The following SPRING1 variants were observed in gnomAD, a reference collection of about 807,000 sequenced individuals.
The protein encoded by SPRING1 is SREBP regulating gene protein.
SPRING1 carries 14 observed loss-of-function variants against 24.7 expected under a neutral mutation model. That is an observed-to-expected ratio of 0.57 (90% CI 0.37 to 0.88). The LOEUF (loss-of-function observed/expected upper bound fraction) is 0.88. SPRING1 is among the 40% of genes least tolerant of loss of function. SPRING1 has a pLI of 0.00. For missense variants in SPRING1, 255 were observed against 268.4 expected (o/e 0.95, Z 0.35); for synonymous variants, 93 against 106.1 (o/e 0.88, Z 0.76).
Position 116,728,787 on chromosome 12 carries a change from G to A in SPRING1, c.112-5564C>T, listed in dbSNP as rs1870830440. The stretch of plus-strand genomic sequence containing the variant: ...CAACTCCCTCAAGGCCCACAGCTAG[G>A]GAGTGGAAGACCACCCAAACTGAGG... On this transcript the variant is annotated intron_variant, in intron 1 of 4. Transcript: ENST00000261318. This position sits in a 1 kb window ranked among gnomAD's most constrained non-coding sequence, Gnocchi z 4.2. Among the ~76,000 whole-genome samples, 1 of 152,172 alleles carries A rather than the reference G, an allele frequency of 6.6e-6. No individual in the cohort carries two copies. The highest frequency in any genetic ancestry group is 6.5e-5 in the Admixed American group (1 of 15,280).
In SPRING1 at chr12:116,728,969, T is replaced by C. The variant is rs368384275; in HGVS notation, c.112-5746A>G. Among the ~76,000 whole-genome samples, 2 of 152,250 alleles carry C rather than the reference T, an allele frequency of 1.3e-5. No homozygotes were observed. The highest frequency in any genetic ancestry group is 1.9e-4 in the East Asian group (1 of 5,196). ...TGTGGGTTTATGTGAGTTATGGCTA[T>C]TGATGCTTACCATATTGAAAATTAA... is the stretch of plus-strand genomic sequence containing the variant. On this transcript the variant is annotated intron_variant, in intron 1 of 4. Transcript: ENST00000261318. The surrounding 1 kb of genome is among the most constrained non-coding windows in gnomAD (Gnocchi z 4.2).
At chr12:116,735,113 T>C (rs1871160101) in intron 1 of SPRING1, among the ~76,000 whole-genome samples, 2 of 151,958 alleles carry the variant, frequency 1.3e-5, no homozygotes, top group Non-Finnish European at 2.9e-5. Context: ...ATATTGTGGA[T>C]ATAGGGAGTG....
At position 116,738,044 on chromosome 12, in the gene SPRING1, C is replaced by T. The variant is rs576818649; in HGVS notation, c.-144G>A. Reference sequence around the variant, plus strand: ...CGCCCGCAGCCCAGTCTGCTCCCGGCAGCCTTGGGCGCAGCCCCACGTGAC... The same window carrying T: ...CGCCCGCAGCCCAGTCTGCTCCCGGTAGCCTTGGGCGCAGCCCCACGTGAC... On this transcript the variant is annotated 5_prime_UTR_variant, in exon 1 of 5. Coordinates refer to ENST00000261318, the MANE Select transcript of SPRING1 (RefSeq NM_024738.4). The T allele has an allele frequency of 1.5e-5, 16 of 1,091,708 alleles. No homozygotes were observed. Among genetic ancestry groups the T allele is most frequent in the Non-Finnish European group, 1.7e-5 (15 of 899,872 alleles). The allele number at this position is 1,091,708 out of a possible 1,614,324, so 67.6% of individuals were successfully genotyped here.
At chr12:116,725,236 G>C (rs1028901938) in intron 1 of SPRING1, among the ~76,000 whole-genome samples, 1 of 152,202 alleles carries the variant, frequency 6.6e-6, no homozygotes, top group African/African-American at 2.4e-5. Context: ...GTTCTAAGTA[G>C]CATGGTGCAA....
Position 116,713,660 on chromosome 12 carries a change from C to G in SPRING1, c.*4150G>C, listed in dbSNP as rs573293079. On this transcript the variant is annotated 3_prime_UTR_variant, in exon 5 of 5. Transcript: ENST00000261318. ...TATTTGTAGTAGCAAAAACAACAAG[C>G]AGCCTTGGAAACCAGTTAATGTCCT... is the stretch of plus-strand genomic sequence containing the variant. The G allele has an allele frequency of 1.3e-5, 2 of 152,258 alleles. No homozygotes were observed. Among genetic ancestry groups the G allele is most frequent in the East Asian group, 3.9e-4 (2 of 5,188 alleles). The allele number at this position is 152,258 out of a possible 1,614,324, so 9.4% of individuals were successfully genotyped here.
intron 2 of SPRING1, among the ~76,000 whole-genome samples, chr12:116,721,230 G>C (rs1212799448): frequency 6.6e-6 from 1 of 152,130 alleles, no homozygotes; most frequent in African/African-American, 2.4e-5. Context: ...ACATCCTTCT[G>C]GGAATGGGAC....
At chr12:116,729,073 T>G (rs1298755569) in intron 1 of SPRING1, among the ~76,000 whole-genome samples, 2 of 152,206 alleles carry the variant, frequency 1.3e-5, no homozygotes, top group Non-Finnish European at 2.9e-5. Flanking sequence ...GTACATGAGT[T>G]TTTTGTGAAA....
chr12:116,730,469 G>T (rs1049280213), intron 1 of SPRING1, among the ~76,000 whole-genome samples: 2 of 152,230 alleles, frequency 1.3e-5, no homozygotes, highest in Non-Finnish European at 2.9e-5. Flanking sequence ...CTCCCAAAGT[G>T]CTGGGATTAC....
chr12:116,713,034 G>A lies in SPRING1; in HGVS notation c.*4776C>T, dbSNP rs1194771201. ...TCTAACGGGGAGATATGACCCCAGA[G>A]CAGGGCTTCCCTCCCTCCACCCGGC... On this transcript the variant is annotated 3_prime_UTR_variant, in exon 5 of 5. Coordinates refer to ENST00000261318, the MANE Select transcript of SPRING1 (RefSeq NM_024738.4). 6.6e-6 allele frequency: 1 copy of A among 152,308 alleles called. No individual in the cohort carries two copies. Among genetic ancestry groups the A allele is most frequent in the African/African-American group, 2.4e-5 (1 of 41,436 alleles). 9.4% of individuals were successfully genotyped at this position (152,308 alleles called of 1,614,324 possible).
rs143322155 is a variant in SPRING1 at position 116,717,809 on chromosome 12, G to A, written c.*1C>T. ...AGGCTGGAGCAAGTCCGCTGCACCC[G>A]TCAAGCGGGGAAGAGCTCGGGCGGG... On this transcript the variant is annotated 3_prime_UTR_variant, in exon 5 of 5. Transcript: ENST00000261318. The surrounding 1 kb of genome is among the most constrained non-coding windows in gnomAD (Gnocchi z 4.2). The A allele has an allele frequency of 6.8e-4, 1,079 of 1,590,320 alleles. 12 individuals are homozygous for A. In the African/African-American group the frequency reaches 0.013, roughly 19 times the overall value.
At chr12:116,722,828 T>C (rs1473131141) in intron 2 of SPRING1, among the ~76,000 whole-genome samples, 2 of 152,186 alleles carry the variant, frequency 1.3e-5, no homozygotes, top group Admixed American at 6.5e-5. Flanking sequence ...GTGCTCATGT[T>C]GTAAGTTGTA....
rs1372709752 is a variant in SPRING1, at chr12:116,714,257, A to G, written c.*3553T>C. On this transcript the variant is annotated 3_prime_UTR_variant, in exon 5 of 5. Transcript: ENST00000261318. ...AAAAGAATTCTGTCCTACTTATGAA[A>G]AGTATATCCAATAAGCAGTACCTCC... The G allele has an allele frequency of 6.6e-6, 1 of 152,178 alleles. No individual in the cohort carries two copies. Among genetic ancestry groups the G allele is most frequent in the Non-Finnish European group, 1.5e-5 (1 of 68,042 alleles). 9.4% of individuals were successfully genotyped at this position (152,178 alleles called of 1,614,324 possible).
rs970973450 is a variant in SPRING1, at chr12:116,716,250, T to C, written c.*1560A>G. 1.3e-5 allele frequency: 2 copies of C among 152,128 alleles called. No individual in the cohort carries two copies. The highest frequency in any genetic ancestry group is 2.9e-5 in the Non-Finnish European group (2 of 68,040). The allele number at this position is 152,128 out of a possible 1,614,324, so 9.4% of individuals were successfully genotyped here. A position where few individuals can be genotyped will look rare whatever the true frequency, so the allele number is the denominator to read the frequency against. On this transcript the variant is annotated 3_prime_UTR_variant, in exon 5 of 5. Transcript: ENST00000261318. ...AACTTATTTAAGGGAGGCAAATAAT[T>C]TGGGGAGATGAGTATAAGAGGTAGT...
In SPRING1 at chr12:116,733,453, G is replaced by A. The variant is rs374615029; in HGVS notation, c.111+4337C>T. On this transcript the variant is annotated intron_variant, in intron 1 of 4. Coordinates refer to ENST00000261318, the MANE Select transcript of SPRING1 (RefSeq NM_024738.4). The stretch of plus-strand genomic sequence containing the variant: ...CACCTCGGCCCTCCCAAAGTGCTGG[G>A]AATTACAGGCGTGAGCCACTGCGCC... 1.2e-4 allele frequency among the ~76,000 whole-genome samples: 16 copies of A among 132,460 alleles called. 1 individual carries two copies. The East Asian group carries it at 1.4e-3, about 11-fold the overall frequency. 86.9% of individuals were successfully genotyped at this position (132,460 alleles called of 152,430 possible). A position where few individuals can be genotyped will look rare whatever the true frequency, so the allele number is the denominator to read the frequency against.
chr12:116,737,995 C>T lies in SPRING1; in HGVS notation c.-95G>A, dbSNP rs1306591798. On this transcript the variant is annotated 5_prime_UTR_variant, in exon 1 of 5. Coordinates refer to ENST00000261318, the MANE Select transcript of SPRING1 (RefSeq NM_024738.4). ...CCCCTACGCGCCCGGCAGCCCCATC[C>T]CTCCAGGCAGGCGCCGGCCCCGCCG... is the stretch of plus-strand genomic sequence containing the variant. 3 of 1,163,738 alleles carry T rather than the reference C, an allele frequency of 2.6e-6. No individual in the cohort carries two copies. The African/African-American group carries it at 4.9e-5, about 19-fold the overall frequency. The allele number at this position is 1,163,738 out of a possible 1,614,324, so 72.1% of individuals were successfully genotyped here. A position where few individuals can be genotyped will look rare whatever the true frequency, so the allele number is the denominator to read the frequency against.
At chr12:116,736,094 C>T (rs1280909085) in intron 1 of SPRING1, among the ~76,000 whole-genome samples, 1 of 103,704 alleles carries the variant, frequency 9.6e-6, no homozygotes, top group Non-Finnish European at 1.9e-5. Context: ...TCGTATTTTA[C>T]CACAATAAAA....
chr12:116,730,038 C>CTACA lies in SPRING1; in HGVS notation c.112-6819_112-6816dup, dbSNP rs1870897610. On this transcript the variant is annotated intron_variant, in intron 1 of 4. Transcript: ENST00000261318. ...GCCTCAGCCTCCCGAGTAGCTGGAA[C>CTACA]TACAGGCACCCACCACCACGCCCGG... Among the ~76,000 whole-genome samples, 4 of 151,894 alleles carry CTACA rather than the reference C, an allele frequency of 2.6e-5. No homozygotes were observed. The South Asian group carries it at 8.3e-4, about 32-fold the overall frequency.
intron 1 of SPRING1, among the ~76,000 whole-genome samples, chr12:116,733,455 A>G (rs1462131051): frequency 8.5e-6 from 1 of 117,800 alleles, no homozygotes; most frequent in Admixed American, 7.6e-5. Flanking sequence ...AGTGCTGGGA[A>G]TTACAGGCGT....
intron 1 of SPRING1, among the ~76,000 whole-genome samples, chr12:116,725,787 G>A (rs1331287905): frequency 6.6e-6 from 1 of 152,030 alleles, no homozygotes; most frequent in Non-Finnish European, 1.5e-5. Context: ...TCAGGAGGCT[G>A]AGGCAGGAGA....
Sources: gnomAD v4.1 joint callset for allele counts (sites outside exome capture counted in the v4.1 genomes callset) on GRCh38, gnomAD v4.1.1 for gene constraint, Gnocchi (gnomAD v3.1) non-coding constraint, MANE v1.5 for transcripts, NCBI Gene and HGNC (gene_info 2026-07-23, HGNC 2026-07-21) for gene names.